L3MBTL4: variants seen among roughly 807,000 people sequenced by gnomAD.
The protein encoded by L3MBTL4 is L3MBTL histone methyl-lysine binding protein 4.
L3MBTL4 carries 70 observed loss-of-function variants against 84.5 expected under a neutral mutation model. The ratio of observed to expected loss-of-function variants is 0.83; its 90% confidence interval spans 0.68 to 1.01. The LOEUF (loss-of-function observed/expected upper bound fraction) is 1.01, where lower values mean the gene tolerates loss of function less well. L3MBTL4 is among the 50% of genes least tolerant of loss of function. The probability of loss-of-function intolerance (pLI) is 0.00; values close to 1 mark genes in which losing one functional copy is unlikely to be tolerated. For synonymous variants in L3MBTL4, 274 were observed against 259.8 expected (o/e 1.05, Z -0.52); for missense variants, 715 against 754.8 (o/e 0.95, Z 0.62).
chr18:6,061,274 T>G (rs1387529116), intron 16 of L3MBTL4, among the ~76,000 whole-genome samples: 1 of 152,122 alleles, frequency 6.6e-6, no homozygotes, highest in Non-Finnish European at 1.5e-5. Flanking sequence ...TTTAATATGC[T>G]TATTTATCAT....
Position 5,993,880 on chromosome 18 carries a change from T to C in L3MBTL4, c.1445-24318A>G, listed in dbSNP as rs1028787286. Among the ~76,000 whole-genome samples, 4 of 152,286 alleles carry C rather than the reference T, an allele frequency of 2.6e-5. No individual in the cohort carries two copies. The East Asian group carries it at 7.7e-4, about 29-fold the overall frequency. ...ACAATGCAGTTCTTTCTGGGTAAAG[T>C]TAAAAAAAATACATGTTTTTGCACT... On this transcript the variant is annotated intron_variant, in intron 16 of 18. Transcript: ENST00000317931.
At chr18:6,266,917 C>T (rs917394320) in intron 4 of L3MBTL4, among the ~76,000 whole-genome samples, 3 of 151,424 alleles carry the variant, frequency 2.0e-5, no homozygotes, top group Admixed American at 6.6e-5. Flanking sequence ...AGTGAAACTC[C>T]GTCTCAGAAA....
intron 4 of L3MBTL4, among the ~76,000 whole-genome samples, chr18:6,272,162 G>C (rs950030070): frequency 6.6e-6 from 1 of 152,222 alleles, no homozygotes; most frequent in Admixed American, 6.5e-5. Context: ...TCAGAAAAGA[G>C]GGATAATCGA....
At chr18:6,240,156 T>C (rs1324601520) in intron 8 of L3MBTL4, among the ~76,000 whole-genome samples, 2 of 152,146 alleles carry the variant, frequency 1.3e-5, no homozygotes, top group African/African-American at 2.4e-5. Flanking sequence ...TCTTTTTTCT[T>C]AGAATAATTT....
At chr18:6,241,555 A>G in intron 7 of L3MBTL4, 106 bp from the exon 8 acceptor site, 1 of 615,048 alleles carries the variant, frequency 1.6e-6, no homozygotes, top group Non-Finnish European at 2.8e-6. Context: ...CATTACTTTT[A>G]ATGGAAAAAA....
At chr18:6,056,659 T>A (rs1020344326) in intron 16 of L3MBTL4, among the ~76,000 whole-genome samples, 4 of 152,038 alleles carry the variant, frequency 2.6e-5, no homozygotes, top group African/African-American at 9.7e-5. Flanking sequence ...GGGCTTAAAG[T>A]CAGGTCTCCA....
intron 12 of L3MBTL4, among the ~76,000 whole-genome samples, chr18:6,206,118 A>G (rs920771047): frequency 5.9e-5 from 9 of 152,212 alleles, no homozygotes; most frequent in Admixed American, 5.9e-4. Flanking sequence ...GGCCAAGAGT[A>G]TGCAGAACGA....
intron 16 of L3MBTL4, among the ~76,000 whole-genome samples, chr18:6,062,769 C>T (rs748088777): frequency 2.1e-4 from 32 of 151,912 alleles, no homozygotes; most frequent in East Asian, 1.2e-3. Context: ...ACTCTGTTAA[C>T]GAGCCCGTCA....
At chr18:6,299,777 C>T (rs1260868889) in intron 4 of L3MBTL4, among the ~76,000 whole-genome samples, 2 of 152,106 alleles carry the variant, frequency 1.3e-5, no homozygotes, top group Non-Finnish European at 2.9e-5. Flanking sequence ...TCAAGCTATC[C>T]TCTTGCCTCA....
At chr18:6,103,410 T>G (rs1192235626) in intron 14 of L3MBTL4, among the ~76,000 whole-genome samples, 1 of 152,226 alleles carries the variant, frequency 6.6e-6, no homozygotes, top group East Asian at 1.9e-4. Context: ...TTTAAAAATA[T>G]TTTCTGCAAA....
chr18:6,289,980 A>C (rs776029740), intron 4 of L3MBTL4, among the ~76,000 whole-genome samples: 4 of 152,010 alleles, frequency 2.6e-5, no homozygotes, highest in Non-Finnish European at 5.9e-5. Flanking sequence ...CTTGAGTGCA[A>C]TGGTGTGATC....
At chr18:6,273,919 C>A (rs1437713744) in intron 4 of L3MBTL4, among the ~76,000 whole-genome samples, 2 of 152,142 alleles carry the variant, frequency 1.3e-5, no homozygotes, top group African/African-American at 4.8e-5. Context: ...TGTGGTCATC[C>A]CTGCAAACTT....
intron 16 of L3MBTL4, among the ~76,000 whole-genome samples, chr18:6,017,204 T>A (rs867034700): frequency 2.6e-5 from 4 of 152,256 alleles, no homozygotes; most frequent in Non-Finnish European, 5.9e-5. Flanking sequence ...TCTTGGAAAA[T>A]GATTTCAAAA....
chr18:6,264,508 G>A (rs2048543218), intron 4 of L3MBTL4, among the ~76,000 whole-genome samples: 1 of 152,172 alleles, frequency 6.6e-6, no homozygotes, highest in Non-Finnish European at 1.5e-5. Flanking sequence ...TCCTGGCCTG[G>A]CGTGGTGACT....
intron 13 of L3MBTL4, among the ~76,000 whole-genome samples, chr18:6,169,611 T>C (rs1370966045): frequency 7.3e-6 from 1 of 136,538 alleles, no homozygotes; most frequent in Non-Finnish European, 1.5e-5. Context: ...TTCTCACTCA[T>C]AGGTGGGAAT....
At chr18:6,392,950 C>T (rs1391174944) in intron 1 of L3MBTL4, among the ~76,000 whole-genome samples, 1 of 151,102 alleles carries the variant, frequency 6.6e-6, no homozygotes, top group East Asian at 1.9e-4. Flanking sequence ...AAATGAGAGA[C>T]AAAAAAAACT....
At chr18:6,033,624 C>T (rs888519137) in intron 16 of L3MBTL4, among the ~76,000 whole-genome samples, 2 of 152,040 alleles carry the variant, frequency 1.3e-5, no homozygotes. Context: ...GTTTTGTTTT[C>T]CTACTTCCTA....
chr18:5,959,193 G>T (rs2095249708), intron 18 of L3MBTL4, among the ~76,000 whole-genome samples: 3 of 152,158 alleles, frequency 2.0e-5, no homozygotes, highest in Non-Finnish European at 4.4e-5. Flanking sequence ...TATGAGGATG[G>T]TTTTCTTGGA....
intron 1 of L3MBTL4, among the ~76,000 whole-genome samples, chr18:6,406,235 A>C (rs1293854659): frequency 6.6e-6 from 1 of 152,252 alleles, no homozygotes; most frequent in Non-Finnish European, 1.5e-5. Flanking sequence ...CAGATGGATA[A>C]ATGTGGGCAA....
Sources: allele counts gnomAD v4.1 joint callset (sites outside exome capture counted in the v4.1 genomes callset), GRCh38; gene constraint gnomAD v4.1.1; transcripts MANE v1.5; gene names NCBI Gene and HGNC (gene_info 2026-07-23, HGNC 2026-07-21).